The following TOMM20 variants were observed in gnomAD, a reference collection of about 807,000 sequenced individuals.
TOMM20 encodes the protein mitochondrial import receptor subunit TOM20 homolog.
Under a neutral mutation model 22.1 loss-of-function variants are expected in TOMM20, and 10 were observed. The observed-to-expected ratio is 0.45, with a 90% CI of 0.28 to 0.77. TOMM20 has a LOEUF of 0.77. Ranked by LOEUF, TOMM20 falls within the 30% of genes least tolerant of loss-of-function variation. The pLI is 0.13. For missense variants in TOMM20, 121 were observed against 172.2 expected, an observed-to-expected ratio of 0.70 and a Z score of 1.66; for synonymous variants, 55 against 61.4, an observed-to-expected ratio of 0.90 and a Z score of 0.49.
chr1:235,122,522 T>A, intron 1 of TOMM20, 150 bp from the exon 2 acceptor site: 2 of 634,424 alleles, frequency 3.2e-6, no homozygotes, highest in Non-Finnish European at 5.3e-6. Flanking sequence ...CAAGAGCATA[T>A]GACATGTTCT....
At chr1:235,125,023 G>A (rs1660987733) in intron 1 of TOMM20, among the ~76,000 whole-genome samples, 1 of 152,130 alleles carries the variant, frequency 6.6e-6, no homozygotes, top group Non-Finnish European at 1.5e-5. Flanking sequence ...TAAGTGAAAT[G>A]CACCTGCAGC....
Position 235,110,905 on chromosome 1 carries a change from A to C in TOMM20, c.*1159T>G, listed in dbSNP as rs1660729328. The C allele has an allele frequency of 6.6e-6, 1 of 152,224 alleles. No individual in the cohort carries two copies. The highest frequency in any genetic ancestry group is 2.1e-4 in the South Asian group (1 of 4,830). 9.4% of individuals were successfully genotyped at this position (152,224 alleles called of 1,614,324 possible). On this transcript the variant is annotated 3_prime_UTR_variant, in exon 5 of 5. Coordinates refer to ENST00000366607, the MANE Select transcript of TOMM20 (RefSeq NM_014765.3). ...ACGGAGAATATGTCACTATTTGAGA[A>C]TAAGAGGTCCCACCTGCTCCACTCT...
intron 2 of TOMM20, among the ~76,000 whole-genome samples, chr1:235,121,113 C>T (rs1381414978): frequency 2.0e-5 from 3 of 151,310 alleles, no homozygotes; most frequent in South Asian, 2.1e-4. Context: ...GCAGGAGAAT[C>T]GCTTGAACCT....
intron 1 of TOMM20, 144 bp from the exon 2 acceptor site, chr1:235,122,516 A>G: frequency 4.4e-6 from 3 of 684,412 alleles, no homozygotes; most frequent in Non-Finnish European, 7.3e-6. Flanking sequence ...ATCTGTCAAG[A>G]GCATATGACA....
chr1:235,111,768 C>A lies in TOMM20; in HGVS notation c.*296G>T. The A allele has an allele frequency of 4.4e-6, 1 of 226,220 alleles. No homozygotes were observed. The highest frequency in any genetic ancestry group is 8.5e-6 in the Non-Finnish European group (1 of 117,172). 14.0% of individuals were successfully genotyped at this position (226,220 alleles called of 1,614,324 possible). A position where few individuals can be genotyped will look rare whatever the true frequency, so the allele number is the denominator to read the frequency against. ...AGCACTGGGTATTTTTAACATAAGC[C>A]ATGTCATATGTACAGTTTAACTATG... On this transcript the variant is annotated 3_prime_UTR_variant, in exon 5 of 5. Coordinates refer to ENST00000366607, the MANE Select transcript of TOMM20 (RefSeq NM_014765.3).
chr1:235,127,898 G>A (rs1572133757), intron 1 of TOMM20: 1 of 519,146 alleles, frequency 1.9e-6, no homozygotes, highest in East Asian at 5.4e-5. Context: ...TATCTTGGAA[G>A]CACTTAGAAC....
At chr1:235,115,632 G>T (rs536226107) in intron 3 of TOMM20, among the ~76,000 whole-genome samples, 1 of 152,064 alleles carries the variant, frequency 6.6e-6, no homozygotes, top group East Asian at 1.9e-4. Context: ...GTCTCAAAAA[G>T]AAATAAATAA....
chr1:235,122,467 C>T, intron 1 of TOMM20, 95 bp from the exon 2 acceptor site: 1 of 1,141,758 alleles, frequency 8.8e-7, no homozygotes. Context: ...ATTCCATTTG[C>T]AAAACATTTC....
intron 3 of TOMM20, among the ~76,000 whole-genome samples, 165 bp downstream of exon 3, chr1:235,119,653 T>C (rs1202728935): frequency 6.6e-6 from 1 of 152,214 alleles, no homozygotes; most frequent in Non-Finnish European, 1.5e-5. Context: ...GAGCCAGTCT[T>C]ACACAAAATA....
rs1660725210 is a variant in TOMM20, at chr1:235,110,674, T to C, written c.*1390A>G. ...AAACTAGACCTATTTCTCCTTCCAC[T>C]GCACCACAAAAAAACCGAGATTGAT... On this transcript the variant is annotated 3_prime_UTR_variant, in exon 5 of 5. Coordinates refer to ENST00000366607, the MANE Select transcript of TOMM20 (RefSeq NM_014765.3). The C allele has an allele frequency of 6.6e-6, 1 of 152,288 alleles. No individual in the cohort carries two copies. The highest frequency in any genetic ancestry group is 2.1e-4 in the South Asian group (1 of 4,828). The allele number at this position is 152,288 out of a possible 1,614,324, so 9.4% of individuals were successfully genotyped here. A position where few individuals can be genotyped will look rare whatever the true frequency, so the allele number is the denominator to read the frequency against.
intron 1 of TOMM20, chr1:235,127,737 C>T (rs1661049508): frequency 2.6e-6 from 1 of 379,746 alleles, no homozygotes; most frequent in African/African-American, 2.1e-5. Flanking sequence ...GAAGATTCTC[C>T]GAAAATTCAA....
intron 2 of TOMM20, among the ~76,000 whole-genome samples, chr1:235,121,155 C>T (rs1035772269): frequency 1.2e-4 from 18 of 150,462 alleles, no homozygotes; most frequent in African/African-American, 1.2e-4. Flanking sequence ...GCCAAGATCA[C>T]ACCACTGCAC....
At chr1:235,113,075 T>G (rs918894536) in intron 4 of TOMM20, among the ~76,000 whole-genome samples, 1 of 152,208 alleles carries the variant, frequency 6.6e-6, no homozygotes, top group Non-Finnish European at 1.5e-5. Context: ...TCATTCACTG[T>G]TTTAATCACA....
chr1:235,114,294 G>A (rs1660791918), intron 3 of TOMM20, among the ~76,000 whole-genome samples: 1 of 152,024 alleles, frequency 6.6e-6, no homozygotes, highest in Non-Finnish European at 1.5e-5. Flanking sequence ...TTCACATTAA[G>A]CCAAATCTTT....
chr1:235,126,180 G>A (rs1661017127), intron 1 of TOMM20, among the ~76,000 whole-genome samples: 1 of 151,796 alleles, frequency 6.6e-6, no homozygotes, highest in African/African-American at 2.4e-5. Flanking sequence ...TGTCCCCCCA[G>A]GATGGAGTGC....
intron 1 of TOMM20, among the ~76,000 whole-genome samples, chr1:235,127,119 A>G (rs1425687802): frequency 1.3e-5 from 2 of 152,196 alleles, no homozygotes; most frequent in African/African-American, 4.8e-5. Flanking sequence ...ATTCTTTATA[A>G]CTCTGCATTT....
chr1:235,126,354 C>T (rs542924037), intron 1 of TOMM20, among the ~76,000 whole-genome samples: 20 of 149,128 alleles, frequency 1.3e-4, no homozygotes, highest in Admixed American at 6.0e-4. Flanking sequence ...GCTGCTTGAA[C>T]TCCTGACATG....
chr1:235,118,434 A>G (rs924983527), intron 3 of TOMM20, among the ~76,000 whole-genome samples: 3 of 152,188 alleles, frequency 2.0e-5, no homozygotes, highest in Admixed American at 6.5e-5. Context: ...TCTCTCTCAG[A>G]TTGATGGAGA....
At chr1:235,124,312 G>A (rs1224977370) in intron 1 of TOMM20, among the ~76,000 whole-genome samples, 1 of 152,182 alleles carries the variant, frequency 6.6e-6, no homozygotes, top group African/African-American at 2.4e-5. Context: ...GCGCCACTGC[G>A]CTCCAGCCTG....
Sources: gnomAD v4.1 joint callset for allele counts (sites outside exome capture counted in the v4.1 genomes callset) on GRCh38, gnomAD v4.1.1 for gene constraint, MANE v1.5 for transcripts, NCBI Gene and HGNC (gene_info 2026-07-23, HGNC 2026-07-21) for gene names.